The following ARHGEF16 variants were observed in gnomAD, a reference collection of about 807,000 sequenced individuals.
ARHGEF16 encodes Rho guanine exchange factor (GEF) 16.
ARHGEF16 carries 59 observed loss-of-function variants against 74.1 expected under a neutral mutation model. The observed-to-expected ratio is 0.80, with a 90% confidence interval of 0.65 to 0.99. The LOEUF is 0.99. Among genes scored for constraint, ARHGEF16 ranks in the 50% least tolerant of loss-of-function variants. The probability of loss-of-function intolerance (pLI) is 0.00; values close to 1 mark genes in which losing one functional copy is unlikely to be tolerated. For synonymous variants in ARHGEF16, 415 were observed against 412.6 expected, an observed-to-expected ratio of 1.01 and a Z score of -0.07; for missense variants, 948 against 986.6, an observed-to-expected ratio of 0.96 and a Z score of 0.52.
At chr1:3,471,956 T>C (rs529037112) in intron 6 of ARHGEF16, among the ~76,000 whole-genome samples, 3 of 152,346 alleles carry the variant, frequency 2.0e-5, no homozygotes, top group East Asian at 3.9e-4. Context: ...CCACGGGGAC[T>C]GCAGCTCCAT....
intron 11 of ARHGEF16, 30 bp downstream of exon 11, chr1:3,478,056 C>G: frequency 6.2e-7 from 1 of 1,612,152 alleles, no homozygotes; most frequent in Non-Finnish European, 8.5e-7. Context: ...GTGTGGGGAG[C>G]CCCACTCCAT....
At chr1:3,455,825 C>T (rs927200190) in intron 1 of ARHGEF16, among the ~76,000 whole-genome samples, 3 of 152,090 alleles carry the variant, frequency 2.0e-5, no homozygotes, top group Admixed American at 6.5e-5. Context: ...CTTGGGGCCT[C>T]GGTTTCCTCA....
chr1:3,454,769 C>G lies in ARHGEF16; in HGVS notation c.-62C>G, dbSNP rs531075609. The G allele has an allele frequency of 1.5e-3, 224 of 152,522 alleles. 1 individual carries two copies. Among genetic ancestry groups the G allele is most frequent in the South Asian group, 5.6e-3 (27 of 4,838 alleles). 9.4% of individuals were successfully genotyped at this position (152,522 alleles called of 1,614,324 possible). A position where few individuals can be genotyped will look rare whatever the true frequency, so the allele number is the denominator to read the frequency against. On this transcript the variant is annotated 5_prime_UTR_variant, in exon 1 of 15. Transcript: ENST00000378378. Reference sequence around the variant, plus strand: ...ACAGGACCCGGCGCTGGAAGCTGCACCGCCAGCGCGCCGCCCCTCCGTCCC... The same window carrying G: ...ACAGGACCCGGCGCTGGAAGCTGCAGCGCCAGCGCGCCGCCCCTCCGTCCC...
chr1:3,476,988 C>A (rs1038674049), intron 10 of ARHGEF16, among the ~76,000 whole-genome samples: 41 of 152,062 alleles, frequency 2.7e-4, no homozygotes, highest in African/African-American at 9.4e-4. Context: ...GAGCAAGGAC[C>A]CCCTCCCAGG....
rs772917146 is a variant in ARHGEF16, at chr1:3,473,463, A to G, written c.1246A>G (p.Met416Val). 1.9e-5 allele frequency: 31 copies of G among 1,612,328 alleles called. No homozygotes were observed. Among genetic ancestry groups the G allele is most frequent in the African/African-American group, 2.7e-5 (2 of 74,882 alleles). Residue 416 changes from methionine to valine, a missense_variant, in exon 8 of 15, where the codon ATG (methionine) becomes GTG (valine). Coordinates refer to ENST00000378378, the MANE Select transcript of ARHGEF16 (RefSeq NM_014448.4). Reference sequence around the variant, plus strand: ...GCGGCCGGCGTGCGGGGGCCTGCCCATGCTCTCCTTCCTGATCCTCCCCAT... The same window carrying G: ...GCGGCCGGCGTGCGGGGGCCTGCCCGTGCTCTCCTTCCTGATCCTCCCCAT... ...ERRPACGGLP[M>V]LSFLILPMQR...
intron 1 of ARHGEF16, 80 bp from the exon 2 acceptor site, chr1:3,462,986 T>A: frequency 9.8e-7 from 1 of 1,021,638 alleles, no homozygotes; most frequent in Non-Finnish European, 1.4e-6. Flanking sequence ...GCCAGACATA[T>A]GCAAAGGGGT....
chr1:3,468,489 G>A (rs559491199), intron 4 of ARHGEF16: 2 of 232,972 alleles, frequency 8.6e-6, no homozygotes, highest in African/African-American at 2.3e-5. Flanking sequence ...GACTCGCCTC[G>A]CCCAGGTGGG....
chr1:3,459,850 G>A (rs947645278), intron 1 of ARHGEF16, among the ~76,000 whole-genome samples: 15 of 152,186 alleles, frequency 9.9e-5, no homozygotes, highest in African/African-American at 2.9e-4. Flanking sequence ...TGGAGTCCTC[G>A]TCCAACAGGC....
At chr1:3,467,790 C>T (rs1389802556) in intron 4 of ARHGEF16, among the ~76,000 whole-genome samples, 1 of 152,116 alleles carries the variant, frequency 6.6e-6, no homozygotes, top group Non-Finnish European at 1.5e-5. Flanking sequence ...CAGTGGAGAG[C>T]GTGGCCCGGC....
Position 3,480,978 on chromosome 1 carries a change from C to A in ARHGEF16, c.*391C>A, listed in dbSNP as rs557812114. The stretch of plus-strand genomic sequence containing the variant: ...GGTCTCCTCCTATGCCCTTCCTACC[C>A]CTGAGTGGGACAAGAAGGGCCCTGA... On this transcript the variant is annotated 3_prime_UTR_variant, in exon 15 of 15. Transcript: ENST00000378378. The A allele has an allele frequency of 1.4e-4, 29 of 201,988 alleles. No homozygotes were observed. The highest frequency in any genetic ancestry group is 2.9e-4 in the South Asian group (2 of 6,982). The allele number at this position is 201,988 out of a possible 1,614,324, so 12.5% of individuals were successfully genotyped here.
chr1:3,476,805 G>A (rs1215566383), intron 10 of ARHGEF16, among the ~76,000 whole-genome samples: 1 of 152,138 alleles, frequency 6.6e-6, no homozygotes, highest in Non-Finnish European at 1.5e-5. Flanking sequence ...ACCAAGTAAG[G>A]GTGCGGGGTC....
Position 3,463,172 on chromosome 1 carries a change from A to T in ARHGEF16, c.88A>T (p.Asn30Tyr). 2.0e-6 allele frequency: 3 copies of T among 1,522,648 alleles called. No individual in the cohort carries two copies. Among genetic ancestry groups the T allele is most frequent in the Non-Finnish European group, 2.7e-6 (3 of 1,129,514 alleles). The allele number at this position is 1,522,648 out of a possible 1,614,324, so 94.3% of individuals were successfully genotyped here. A position where few individuals can be genotyped will look rare whatever the true frequency, so the allele number is the denominator to read the frequency against. The change falls in exon 2 of 15, where the codon AAC becomes TAC. Residue 30 changes from asparagine to tyrosine, a missense_variant. Transcript: ENST00000378378. ...GGAGCTCCGGCTCGATGCCGGGGGG[A>T]ACCCAGCCTCCGGGCTCCCAATGGT... ...HSELRLDAGG[N>Y]PASGLPMVRG... is the part of the protein sequence containing the mutation.
chr1:3,469,651 C>G, intron 6 of ARHGEF16, 58 bp downstream of exon 6: 2 of 1,596,322 alleles, frequency 1.3e-6, no homozygotes, highest in Non-Finnish European at 1.7e-6. Context: ...TGCCTCCCCC[C>G]GTGGGCACCG....
Position 3,478,491 on chromosome 1 carries a change from T to A in ARHGEF16, c.1693T>A (p.Ser565Thr). The A allele has an allele frequency of 6.2e-7, 1 of 1,612,570 alleles. No individual in the cohort carries two copies. Among genetic ancestry groups the A allele is most frequent in the Non-Finnish European group, 8.5e-7 (1 of 1,179,822 alleles). ...CATCCAGGTGGAGAAGATAGAGCCG[T>A]CTGAGCTCCCTCTGCCCGGGGGCGG... ...NHIQVEKIEP[S>T]ELPLPGGGNR... The change falls in exon 12 of 15, where the codon TCT (serine) becomes ACT (threonine). Residue 565 changes from serine to threonine, a missense_variant. Transcript: ENST00000378378.
Position 3,479,872 on chromosome 1 carries a change from T to C in ARHGEF16, c.1949T>C (p.Leu650Pro). The stretch of plus-strand genomic sequence containing the variant: ...GCGAAGCAAGCAGACGAGGTCACAC[T>C]GCAGCAGGCGGACGTGGTCCTGGTT... The part of the protein sequence containing the change: ...FFAKQADEVT[L>P]QQADVVLVLQ... The change falls in exon 14 of 15, where the codon CTG becomes CCG. Residue 650 changes from leucine to proline, a missense_variant. Leu to Pro is a moderately conservative substitution (Grantham distance 98). Coordinates refer to ENST00000378378, the MANE Select transcript of ARHGEF16 (RefSeq NM_014448.4). 2.5e-6 allele frequency: 4 copies of C among 1,612,372 alleles called. No individual in the cohort carries two copies. Among genetic ancestry groups the C allele is most frequent in the Non-Finnish European group, 3.4e-6 (4 of 1,179,914 alleles).
chr1:3,471,870 C>CGGCATGGGCACGTACGCATGTCGT, intron 6 of ARHGEF16: 1 of 1,027,954 alleles, frequency 9.7e-7, no homozygotes, highest in Non-Finnish European at 1.2e-6. Context: ...CCGGCCTGGC[C>CGGCATGGGCACGTACGCATGTCGT]GGCCTGGGCA....
In ARHGEF16 at chr1:3,464,553, C is replaced by T. The variant is rs546606079; in HGVS notation, c.588+881C>T. Reference sequence around the variant, plus strand: ...AGGAGGCCCTGGCAGCCCGAGCACCCTCAAGAATGCAGAGCAGATGCAGGG... The same window carrying T: ...AGGAGGCCCTGGCAGCCCGAGCACCTTCAAGAATGCAGAGCAGATGCAGGG... On this transcript the variant is annotated intron_variant, in intron 2 of 14. Coordinates refer to ENST00000378378, the MANE Select transcript of ARHGEF16 (RefSeq NM_014448.4). Among the ~76,000 whole-genome samples, 21 of 152,296 alleles carry T rather than the reference C, an allele frequency of 1.4e-4. No individual in the cohort carries two copies. In the East Asian group the frequency reaches 3.9e-3, roughly 28 times the overall value.
At chr1:3,462,207 GCCA>G (rs1639415029) in intron 1 of ARHGEF16, among the ~76,000 whole-genome samples, 1 of 152,148 alleles carries the variant, frequency 6.6e-6, no homozygotes, top group East Asian at 1.9e-4. Flanking sequence ...TGCCACCCCT[GCCA>G]CCACCACACC....
intron 10 of ARHGEF16, among the ~76,000 whole-genome samples, chr1:3,476,810 G>A (rs1639889122): frequency 1.3e-5 from 2 of 152,116 alleles, no homozygotes; most frequent in Non-Finnish European, 1.5e-5. Flanking sequence ...GTAAGGGTGC[G>A]GGGTCCCAGC....
Sources: gnomAD v4.1 joint callset for allele counts (sites outside exome capture counted in the v4.1 genomes callset) on GRCh38, gnomAD v4.1.1 for gene constraint, MANE v1.5 for transcripts, NCBI Gene and HGNC (gene_info 2026-07-23, HGNC 2026-07-21) for gene names.